TTN: variants seen among roughly 807,000 people sequenced by gnomAD.
TTN encodes the protein titin, also known as connectin.
Under a neutral mutation model 3,223.0 loss-of-function variants are expected in TTN, and 1,525 were observed. The observed-to-expected ratio is 0.47, with a 90% CI of 0.45 to 0.49. The LOEUF (loss-of-function observed/expected upper bound fraction) is 0.49. TTN is among the 20% of genes least tolerant of loss of function. The pLI, the probability that TTN is intolerant of heterozygous loss-of-function variation, is 0.00. For missense variants in TTN, 40,786 were observed against 43,424.0 expected (o/e 0.94, Z 5.40); for synonymous variants, 14,094 against 15,161.0 (o/e 0.93, Z 5.17).
rs727504857 is a variant in TTN, at chr2:178,546,106, G to T, written c.95130C>A (p.Gly31710=). 7.9e-5 allele frequency: 127 copies of T among 1,604,656 alleles called. No homozygotes were observed. The highest frequency in any genetic ancestry group is 1.0e-4 in the Non-Finnish European group (118 of 1,174,240). ...TGCTGACGGTGAGCTTTCCACATGG[G>T]CCAGGGGAATCTGAAACAGGTGTAA... is the stretch of plus-strand genomic sequence containing the variant. ...SVMVKVLDSP[G]PCGKLTVSRV... Residue 31710 remains glycine, a synonymous_variant, in exon 343 of 363, where the codon GGC becomes GGA. Coordinates refer to ENST00000589042, the MANE Select transcript of TTN (RefSeq NM_001267550.2).
Position 178,550,193 on chromosome 2 carries a change from A to G in TTN, c.91645T>C (p.Leu30549=), listed in dbSNP as rs1698784346. 1 of 1,613,644 alleles carries G rather than the reference A, an allele frequency of 6.2e-7. No individual in the cohort carries two copies. Among genetic ancestry groups the G allele is most frequent in the Non-Finnish European group, 8.5e-7 (1 of 1,179,766 alleles). Residue 30549 remains leucine (L), a synonymous_variant, in exon 337 of 363, where the codon TTG becomes CTG. Transcript: ENST00000589042. ...CGAGGCACTGGTCTTCCTTGTACCA[A>G]AGCTTTAATTCTAAGGCTCTCTCCG... ...KSGESLRIKA[L]VQGRPVPRVT...
chr2:178,539,992 T>G (rs1559093224), intron 351 of TTN, 26 bp from the exon 352 acceptor site: 1 of 1,608,174 alleles, frequency 6.2e-7, no homozygotes. Context: ...GGGTTTCAAT[T>G]TAGCATTTGG....
chr2:178,652,005 C>T (rs750721294), intron 204 of TTN, 38 bp from the exon 205 acceptor site: 66 of 1,610,920 alleles, frequency 4.1e-5, no homozygotes, highest in Non-Finnish European at 5.3e-5. Flanking sequence ...CCAGAATTGA[C>T]TAAAACTGAG....
At chr2:178,789,943 G>A in intron 12 of TTN, 35 bp downstream of exon 12, 1 of 1,611,306 alleles carries the variant, frequency 6.2e-7, no homozygotes, top group African/African-American at 1.3e-5. Flanking sequence ...TTAGTTTAAA[G>A]ATGAACTTTT....
chr2:178,546,326 T>A lies in TTN; in HGVS notation c.95005A>T (p.Lys31669Ter). 1 of 1,613,888 alleles carries A rather than the reference T, an allele frequency of 6.2e-7. No individual in the cohort carries two copies. Residue 31669 changes from lysine to a stop codon, truncating the protein, a stop_gained, in exon 342 of 363, where the codon AAA becomes TAA. Coordinates refer to ENST00000589042, the MANE Select transcript of TTN (RefSeq NM_001267550.2). LOFTEE classifies it high-confidence loss of function. ...CEKVSLQYTG[K>*]RATAVIKFCD... ...AACTTGATCACAGCAGTTGCTCGTT[T>A]GCCAGTATACTGCAAAGAGACTTTT...
chr2:178,670,723 A>G (rs1317723370), intron 156 of TTN, among the ~76,000 whole-genome samples: 2 of 151,990 alleles, frequency 1.3e-5, no homozygotes, highest in Non-Finnish European at 2.9e-5. Flanking sequence ...CATTAAACAC[A>G]TATTCACTAT....
In TTN at chr2:178,561,405, A is replaced by T; in HGVS notation, c.84727T>A (p.Ser28243Thr). 1 of 1,613,784 alleles carries T rather than the reference A, an allele frequency of 6.2e-7. No individual in the cohort carries two copies. Among genetic ancestry groups the T allele is most frequent in the African/African-American group, 1.3e-5 (1 of 75,040 alleles). Residue 28243 changes from serine (S) to threonine (T), a missense_variant, in exon 326 of 363, where the codon TCT (serine) becomes ACT (threonine). By Grantham distance (58) the Ser-to-Thr change is moderately conservative (BLOSUM62 1). Coordinates refer to ENST00000589042, the MANE Select transcript of TTN (RefSeq NM_001267550.2). ...TCTCTTGCAGGGACTGGTTCACAAG[A>T]TTTACTGCATTTACCAATTCCAGCA... Reference protein sequence around the residue: ...NIAGIGKCSKSCEPVPARDPC... With the variant: ...NIAGIGKCSKTCEPVPARDPC...
intron 156 of TTN, 123 bp from the exon 157 acceptor site, chr2:178,670,418 A>G (rs2154263969): frequency 2.3e-6 from 1 of 444,298 alleles, no homozygotes; most frequent in Admixed American, 4.4e-5. Flanking sequence ...ACAACACTTT[A>G]TCAAATACAT....
Position 178,725,978 on chromosome 2 carries a change from AT to A in TTN, c.20343del (p.Glu6781AspfsTer68). On this transcript the variant is annotated frameshift_variant, in exon 70 of 363. Coordinates refer to ENST00000589042, the MANE Select transcript of TTN (RefSeq NM_001267550.2). LOFTEE classifies it high-confidence loss of function. ...ETLKNAEVSL[E>X]CELSGTPPFE... ...AACGGTGGTGTTCCCGAAAGTTCAC[AT>A]TCAAGACTGACTTCAGCATTTTTAA... The A allele has an allele frequency of 6.2e-7, 1 of 1,609,670 alleles. No individual in the cohort carries two copies. Among genetic ancestry groups the A allele is most frequent in the Non-Finnish European group, 8.5e-7 (1 of 1,177,424 alleles).
intron 98 of TTN, among the ~76,000 whole-genome samples, 188 bp downstream of exon 98, chr2:178,710,447 G>A (rs892273613): frequency 2.6e-5 from 4 of 152,118 alleles, no homozygotes; most frequent in Admixed American, 6.6e-5. Context: ...ATCCTGTCTC[G>A]AGGAAAGAAA....
In TTN at chr2:178,551,903, T is replaced by C; in HGVS notation, c.90997A>G (p.Ile30333Val). 1.2e-6 allele frequency: 2 copies of C among 1,613,818 alleles called. No individual in the cohort carries two copies. Among genetic ancestry groups the C allele is most frequent in the South Asian group, 1.1e-5 (1 of 91,078 alleles). ...RIPGPPGKPV[I>V]YNVTSDGMSL... is the part of the protein sequence containing the mutation. The stretch of plus-strand genomic sequence containing the variant: ...ATGCCATCAGAAGTCACATTGTATA[T>C]AACTGGCTTTCCTGGGGGACCAGGA... The change falls in exon 335 of 363, where the codon ATA (isoleucine) becomes GTA (valine). Residue 30333 changes from isoleucine to valine, a missense_variant. By Grantham distance (29) the Ile-to-Val change is conservative. Transcript: ENST00000589042.
chr2:178,582,402 C>A lies in TTN; in HGVS notation c.66054G>T (p.Glu22018Asp), dbSNP rs727503579. 40 of 1,612,730 alleles carry A rather than the reference C, an allele frequency of 2.5e-5. No homozygotes were observed. The highest frequency in any genetic ancestry group is 3.3e-5 in the Non-Finnish European group (39 of 1,179,346). ...GATACTCATGGCCCTCTATAAGTTT[C>A]TCCACGCTGCAGCTGGTGATAGGCA... ...ATVPITSCSV[E>D]KLIEGHEYQF... The change falls in exon 314 of 363, where the codon GAG (glutamate) becomes GAT (aspartate). Residue 22018 changes from glutamate (E) to aspartate (D), a missense_variant. Glu to Asp is a conservative substitution (Grantham distance 45). Coordinates refer to ENST00000589042, the MANE Select transcript of TTN (RefSeq NM_001267550.2).
Position 178,718,547 on chromosome 2 carries a change from G to A in TTN, c.24559C>T (p.Pro8187Ser). 6.2e-7 allele frequency: 1 copy of A among 1,613,584 alleles called. No homozygotes were observed. The highest frequency in any genetic ancestry group is 2.2e-5 in the East Asian group (1 of 44,848). The change falls in exon 85 of 363, where the codon CCC (proline) becomes TCC (serine). Residue 8187 changes from proline to serine, a missense_variant. Transcript: ENST00000589042. ...GTGTATGTGGCCTCGAGAACTATGG[G>A]GCTTCCTGTCTCAACACTGAAATCA... is the stretch of plus-strand genomic sequence containing the variant. ...LADFSVETGS[P>S]IVLEATYTGT...
At chr2:178,744,952 T>C (rs919927394) in intron 47 of TTN, 20 of 985,188 alleles carry the variant, frequency 2.0e-5, no homozygotes, top group Middle Eastern at 5.2e-4. Flanking sequence ...TTAAAGCACT[T>C]ATGAAGAGGA....
At position 178,535,419 on chromosome 2, in the gene TTN, A is replaced by C; in HGVS notation, c.101196T>G (p.Thr33732=). 6.2e-7 allele frequency: 1 copy of C among 1,613,922 alleles called. No homozygotes were observed. The highest frequency in any genetic ancestry group is 8.5e-7 in the Non-Finnish European group (1 of 1,179,828). ...TNYIVEKCAT[T]AERWLRVGQA... is the part of the protein sequence containing the mutation. ...GTCCTACACGGAGCCATCTTTCTGC[A>C]GTAGTTGCACATTTTTCAACAATGT... The change falls in exon 358 of 363, where the codon ACT becomes ACG. Residue 33732 remains threonine (T), a synonymous_variant. Transcript: ENST00000589042.
rs755441250 is a variant in TTN at position 178,564,512 on chromosome 2, A to G, written c.81620T>C (p.Val27207Ala). The G allele has an allele frequency of 3.1e-6, 5 of 1,612,630 alleles. No individual in the cohort carries two copies. In the East Asian group the frequency reaches 1.1e-4, roughly 36 times the overall value. Reference protein sequence around the residue: ...DGGSKITGYIVEKKDLPDGRW... With the variant: ...DGGSKITGYIAEKKDLPDGRW... ...GCCATCAGGTAGATCTTTCTTTTCT[A>G]CAATATAACCTGTTATTTTGCTACC... Residue 27207 changes from valine (V) to alanine (A), a missense_variant, in exon 326 of 363, where the codon GTA becomes GCA. By Grantham distance (64) the Val-to-Ala change is moderately conservative (BLOSUM62 0). Coordinates refer to ENST00000589042, the MANE Select transcript of TTN (RefSeq NM_001267550.2).
chr2:178,614,930 G>C lies in TTN; in HGVS notation c.48677C>G (p.Ala16226Gly). 6.3e-7 allele frequency: 1 copy of C among 1,594,746 alleles called. No individual in the cohort carries two copies. Among genetic ancestry groups the C allele is most frequent in the Non-Finnish European group, 8.5e-7 (1 of 1,169,642 alleles). ...CCTGTTTAAGGCCTTCACGCGGTAG[G>C]CATACCATTTGCCTTCCTCAAGACC... The part of the protein sequence containing the change: ...VTGLEEGKWY[A>G]YRVKALNRQG... Residue 16226 changes from alanine to glycine, a missense_variant, in exon 260 of 363, where the codon GCC becomes GGC. Ala to Gly is a moderately conservative substitution (Grantham distance 60, BLOSUM62 0). Transcript: ENST00000589042.
rs56309296 is a variant in TTN at position 178,563,076 on chromosome 2, C to T, written c.83056G>A (p.Val27686Ile). 5,514 of 1,613,684 alleles carry T rather than the reference C, an allele frequency of 3.4e-3. 179 individuals are homozygous for T. In the African/African-American group the frequency reaches 0.065, roughly 19 times the overall value. The change falls in exon 326 of 363, where the codon GTT (valine) becomes ATT (isoleucine). Residue 27686 changes from valine to isoleucine, a missense_variant. By Grantham distance (29) the Val-to-Ile change is conservative. Coordinates refer to ENST00000589042, the MANE Select transcript of TTN (RefSeq NM_001267550.2). The surrounding 1 kb of genome is among the most constrained non-coding windows in gnomAD (Gnocchi z 4.5). ...CGTAAAGTAGCACTTGCACGCAGAA[C>T]GACCACCTTTCTGAGATCAGCATCG... ...ELDADLRKVV[V>I]LRASATLRLF...
Position 178,759,169 on chromosome 2 carries a change from A to G in TTN, c.10118T>C (p.Leu3373Pro). 1.2e-6 allele frequency: 2 copies of G among 1,613,954 alleles called. No homozygotes were observed. The highest frequency in any genetic ancestry group is 1.7e-6 in the Non-Finnish European group (2 of 1,179,936). The change falls in exon 44 of 363, where the codon CTA (leucine) becomes CCA (proline). Residue 3373 changes from leucine (L) to proline (P), a missense_variant. Physicochemically the swap from Leu to Pro is moderately conservative, Grantham distance 98. Transcript: ENST00000589042. ...GTCTTTGCTGTACCACGACACTTTT[A>G]GATCTGCGACACAAAAGAAAAGAGA... ...RFQCRVSGTD[L>P]KVSWYSKDKK...
Sources: allele counts gnomAD v4.1 joint callset (sites outside exome capture counted in the v4.1 genomes callset), GRCh38; gene constraint gnomAD v4.1.1; non-coding constraint Gnocchi (gnomAD v3.1); transcripts MANE v1.5; gene names NCBI Gene and HGNC (gene_info 2026-07-23, HGNC 2026-07-21).